EEA1: variants seen among roughly 807,000 people sequenced by gnomAD.
The protein encoded by EEA1 is early endosome antigen 1.
In EEA1, 111 loss-of-function variants were observed where a neutral mutation model predicts 209.2. The observed-to-expected ratio is 0.53, with a 90% confidence interval of 0.45 to 0.62. The LOEUF (loss-of-function observed/expected upper bound fraction) is 0.62. Ranked by LOEUF, EEA1 falls within the 20% of genes least tolerant of loss-of-function variation. EEA1 has a pLI of 0.00. For missense variants in EEA1, 1,343 were observed against 1,530.8 expected, an observed-to-expected ratio of 0.88 and a Z score of 2.05; for synonymous variants, 536 against 540.6, an observed-to-expected ratio of 0.99 and a Z score of 0.12.
intron 1 of EEA1, among the ~76,000 whole-genome samples, chr12:92,897,100 G>A (rs1879917165): frequency 6.6e-6 from 1 of 152,138 alleles, no homozygotes; most frequent in Admixed American, 6.5e-5. Context: ...CTGGAGGCAA[G>A]GAAACTAAGG....
intron 9 of EEA1, among the ~76,000 whole-genome samples, chr12:92,844,772 A>T (rs1877321491): frequency 6.6e-6 from 1 of 152,116 alleles, no homozygotes; most frequent in Non-Finnish European, 1.5e-5. Flanking sequence ...TCTTATCAAA[A>T]AAATTTGCAC....
chr12:92,906,107 T>TC (rs1309053249), intron 1 of EEA1, among the ~76,000 whole-genome samples: 4 of 142,718 alleles, frequency 2.8e-5, no homozygotes, highest in Non-Finnish European at 6.2e-5. Flanking sequence ...TTTTTTTTTT[T>TC]CTGAGACAGG....
chr12:92,825,827 A>G (rs1020762784), intron 13 of EEA1, among the ~76,000 whole-genome samples: 1 of 150,602 alleles, frequency 6.6e-6, no homozygotes, highest in Non-Finnish European at 1.5e-5. Context: ...AGTAATTTAA[A>G]TAAATGTATT....
intron 1 of EEA1, among the ~76,000 whole-genome samples, chr12:92,927,512 G>C (rs1374091416): frequency 6.6e-6 from 1 of 152,150 alleles, no homozygotes; most frequent in Non-Finnish European, 1.5e-5. Context: ...AAGATTACTA[G>C]AAAGCATCCC....
At chr12:92,776,186 AT>A in intron 28 of EEA1, 53 bp from the exon 29 acceptor site, 1 of 1,530,852 alleles carries the variant, frequency 6.5e-7, no homozygotes, top group Non-Finnish European at 8.8e-7. Context: ...TACCAAAAGT[AT>A]TATGAAACTA....
Position 92,809,268 on chromosome 12 carries a change from A to T in EEA1, c.2200-112T>A, listed in dbSNP as rs576333678. On this transcript the variant is annotated intron_variant, in intron 17 of 28. Coordinates refer to ENST00000322349, the MANE Select transcript of EEA1 (RefSeq NM_003566.4). ...CAAACAGGTGTGACATACAAAAAAA[A>T]ATTTATTATAATAAAAAACATATTC... The T allele has an allele frequency of 4.2e-6, 3 of 706,256 alleles. No individual in the cohort carries two copies. In the African/African-American group the frequency reaches 5.6e-5, roughly 13 times the overall value. 43.7% of individuals were successfully genotyped at this position (706,256 alleles called of 1,614,324 possible).
At chr12:92,874,242 G>T (rs142736642) in intron 2 of EEA1, among the ~76,000 whole-genome samples, 118 of 152,160 alleles carry the variant, frequency 7.8e-4, no homozygotes, top group African/African-American at 2.8e-3. Context: ...GATCACTTGA[G>T]CCCAGGAGGT....
intron 12 of EEA1, among the ~76,000 whole-genome samples, chr12:92,826,612 G>A (rs753073182): frequency 1.3e-5 from 2 of 151,524 alleles, no homozygotes; most frequent in Non-Finnish European, 2.9e-5. Context: ...CTACTCAGGA[G>A]GCTGAGGCAG....
At position 92,799,053 on chromosome 12, in the gene EEA1, T is replaced by C. The variant is rs757762798; in HGVS notation, c.2806A>G (p.Met936Val). The stretch of plus-strand genomic sequence containing the variant: ...TGGGCCTGTATAAGTTGTTCCTGCA[T>C]TGAATTGAGTTCCAATTTCAACTGA... The part of the protein sequence containing the change: ...SHQLKLELNS[M>V]QEQLIQAQNT... Residue 936 changes from methionine to valine, a missense_variant, in exon 21 of 29, where the codon ATG (methionine) becomes GTG (valine). Physicochemically the swap from Met to Val is conservative, Grantham distance 21. Coordinates refer to ENST00000322349, the MANE Select transcript of EEA1 (RefSeq NM_003566.4). 15 of 1,600,068 alleles carry C rather than the reference T, an allele frequency of 9.4e-6. No homozygotes were observed. The South Asian group carries it at 1.5e-4, about 16-fold the overall frequency.
At position 92,813,094 on chromosome 12, in the gene EEA1, CTG is replaced by C; in HGVS notation, c.1930-3_1930-2del. On this transcript the variant is annotated splice_acceptor_variant and splice_polypyrimidine_tract_variant and intron_variant, in intron 15 of 28. Transcript: ENST00000322349. LOFTEE classifies it high-confidence loss of function. The stretch of plus-strand genomic sequence containing the variant: ...GTAATAGTTCGGTTTTGGCTTTAAT[CTG>C]TAACAGCATTTACAAATTATTTAAT... 1 of 1,555,518 alleles carries C rather than the reference CTG, an allele frequency of 6.4e-7. No homozygotes were observed. The highest frequency in any genetic ancestry group is 8.8e-7 in the Non-Finnish European group (1 of 1,139,838).
At chr12:92,905,727 C>G (rs971351572) in intron 1 of EEA1, 6 of 152,046 alleles carry the variant, frequency 3.9e-5, no homozygotes, top group African/African-American at 1.4e-4. Flanking sequence ...ATCAAAGAAG[C>G]AAACACAAAT....
chr12:92,817,824 C>T (rs1436869583), intron 14 of EEA1, among the ~76,000 whole-genome samples: 1 of 152,106 alleles, frequency 6.6e-6, no homozygotes, highest in African/African-American at 2.4e-5. Context: ...GTCTTTTTTA[C>T]ACTTCGTAAG....
intron 2 of EEA1, chr12:92,884,183 C>A: frequency 7.1e-7 from 1 of 1,404,866 alleles, no homozygotes; most frequent in Non-Finnish European, 9.9e-7. Flanking sequence ...AATCATGACT[C>A]ACTGAGGCAG....
At chr12:92,795,561 G>T (rs1398844286) in intron 21 of EEA1, among the ~76,000 whole-genome samples, 1 of 152,184 alleles carries the variant, frequency 6.6e-6, no homozygotes, top group Non-Finnish European at 1.5e-5. Flanking sequence ...TAACAGCCTA[G>T]ATAAGAGAAA....
chr12:92,849,581 A>T (rs1475856548), intron 9 of EEA1, among the ~76,000 whole-genome samples: 1 of 152,238 alleles, frequency 6.6e-6, no homozygotes. Context: ...ACAAAGTGTC[A>T]ATTTTGGAAA....
intron 8 of EEA1, 135 bp downstream of exon 8, chr12:92,852,039 TG>T: frequency 1.7e-6 from 1 of 576,682 alleles, no homozygotes; most frequent in Non-Finnish European, 2.8e-6. Flanking sequence ...TATATGCAGG[TG>T]GTAGAATATA....
At chr12:92,794,329 T>G (rs1049720972) in intron 21 of EEA1, among the ~76,000 whole-genome samples, 3 of 152,180 alleles carry the variant, frequency 2.0e-5, no homozygotes, top group African/African-American at 7.2e-5. Flanking sequence ...TGGCGATTCC[T>G]CAAGGATCTA....
chr12:92,822,668 G>A (rs1052676713), intron 13 of EEA1, among the ~76,000 whole-genome samples: 3 of 152,078 alleles, frequency 2.0e-5, no homozygotes, highest in African/African-American at 7.2e-5. Flanking sequence ...TTTCTCAGAA[G>A]TCTTATGTAA....
chr12:92,869,808 T>C (rs1018811664), intron 2 of EEA1, among the ~76,000 whole-genome samples: 5 of 136,752 alleles, frequency 3.7e-5, no homozygotes, highest in African/African-American at 1.4e-4. Flanking sequence ...TTATTTTAAG[T>C]GCAGAGTAGG....
Sources: allele counts gnomAD v4.1 joint callset (sites outside exome capture counted in the v4.1 genomes callset), GRCh38; gene constraint gnomAD v4.1.1; transcripts MANE v1.5; gene names NCBI Gene and HGNC (gene_info 2026-07-23, HGNC 2026-07-21).